Variants in C2CD5 observed in about 807,000 individuals in gnomAD.
C2CD5 encodes the protein C2 calcium dependent domain containing 5.
Under a neutral mutation model 130.3 loss-of-function variants are expected in C2CD5, and 109 were observed. The ratio of observed to expected loss-of-function variants is 0.84; its 90% CI spans 0.72 to 0.98. The LOEUF is 0.98. Ranked by LOEUF, C2CD5 falls within the 50% of genes least tolerant of loss-of-function variation. The pLI, the probability that C2CD5 is intolerant of heterozygous loss-of-function variation, is 0.00. For synonymous variants in C2CD5, 454 were observed against 429.2 expected, an observed-to-expected ratio of 1.06 and a Z score of -0.71; for missense variants, 996 against 1,261.8, an observed-to-expected ratio of 0.79 and a Z score of 3.19.
chr12:22,489,549 A>G (rs954029793), intron 12 of C2CD5, among the ~76,000 whole-genome samples: 3 of 152,134 alleles, frequency 2.0e-5, no homozygotes, highest in Non-Finnish European at 4.4e-5. Flanking sequence ...TATTTAAAGT[A>G]TAGGGGAGAA....
chr12:22,535,599 A>C (rs1037572064), intron 2 of C2CD5, among the ~76,000 whole-genome samples: 1 of 152,200 alleles, frequency 6.6e-6, no homozygotes, highest in Non-Finnish European at 1.5e-5. Flanking sequence ...CTCCGTTTCT[A>C]AAGAGCATAT....
At chr12:22,541,890 G>T (rs377731520) in intron 2 of C2CD5, among the ~76,000 whole-genome samples, 12 of 152,266 alleles carry the variant, frequency 7.9e-5, no homozygotes, top group African/African-American at 2.9e-4. Context: ...TATTCACCAT[G>T]TATATACATC....
intron 13 of C2CD5, among the ~76,000 whole-genome samples, chr12:22,483,610 G>T (rs1331516557): frequency 6.6e-6 from 1 of 151,960 alleles, no homozygotes; most frequent in African/African-American, 2.4e-5. Context: ...ATACTAAAGC[G>T]TACATTTAAG....
chr12:22,509,191 A>G (rs1179055579), intron 9 of C2CD5, among the ~76,000 whole-genome samples: 1 of 152,256 alleles, frequency 6.6e-6, no homozygotes, highest in Non-Finnish European at 1.5e-5. Flanking sequence ...AATCTTTTAA[A>G]TATCTAGACA....
rs1279299987 is a variant in C2CD5 at position 22,449,363 on chromosome 12, T to G, written c.*397A>C. 6.4e-6 allele frequency: 1 copy of G among 155,950 alleles called. No individual in the cohort carries two copies. Among genetic ancestry groups the G allele is most frequent in the Non-Finnish European group, 1.4e-5 (1 of 70,408 alleles). 9.7% of individuals were successfully genotyped at this position (155,950 alleles called of 1,614,324 possible). On this transcript the variant is annotated 3_prime_UTR_variant, in exon 27 of 27. Coordinates refer to ENST00000446597, the MANE Select transcript of C2CD5 (RefSeq NM_001286176.2). Reference sequence around the variant, plus strand: ...CCACACATTTCTCAAATCAGAGTGCTTACTCACTAGCAACTGGAGAATCTC... The same window carrying G: ...CCACACATTTCTCAAATCAGAGTGCGTACTCACTAGCAACTGGAGAATCTC...
Position 22,470,804 on chromosome 12 carries a change from C to T in C2CD5, c.2446+20G>A, listed in dbSNP as rs757178682. 4 of 1,464,272 alleles carry T rather than the reference C, an allele frequency of 2.7e-6. No individual in the cohort carries two copies. Among genetic ancestry groups the T allele is most frequent in the Non-Finnish European group, 2.9e-6 (3 of 1,045,550 alleles). 90.7% of individuals were successfully genotyped at this position (1,464,272 alleles called of 1,614,324 possible). A position where few individuals can be genotyped will look rare whatever the true frequency, so the allele number is the denominator to read the frequency against. ...ACACAGACAAACACAAACTGAACTT[C>T]CTATTCAGTAAAGATTTACCTCTTT... On this transcript the variant is annotated intron_variant, in intron 21 of 26. Coordinates refer to ENST00000446597, the MANE Select transcript of C2CD5 (RefSeq NM_001286176.2).
intron 10 of C2CD5, among the ~76,000 whole-genome samples, chr12:22,499,925 C>T (rs983120921): frequency 3.3e-5 from 5 of 152,204 alleles, no homozygotes; most frequent in African/African-American, 7.2e-5. Context: ...CAGTGGCTCA[C>T]GCCCGTAATC....
intron 9 of C2CD5, among the ~76,000 whole-genome samples, chr12:22,508,372 C>T (rs996291390): frequency 5.3e-5 from 8 of 152,088 alleles, no homozygotes; most frequent in East Asian, 1.9e-4. Flanking sequence ...AAGGAGAGTA[C>T]GTCACTTATA....
chr12:22,450,167 C>T (rs745893440), intron 26 of C2CD5, among the ~76,000 whole-genome samples: 1 of 151,708 alleles, frequency 6.6e-6, no homozygotes, highest in Non-Finnish European at 1.5e-5. Flanking sequence ...TATATACTGG[C>T]AAAAAAATGT....
chr12:22,467,057 C>CAA (rs920190549), intron 22 of C2CD5, among the ~76,000 whole-genome samples: 1 of 152,248 alleles, frequency 6.6e-6, no homozygotes, highest in Non-Finnish European at 1.5e-5. Flanking sequence ...TGCTCCCTTT[C>CAA]ACTTTGCCTC....
intron 12 of C2CD5, among the ~76,000 whole-genome samples, chr12:22,487,051 A>G (rs1945635300): frequency 6.6e-6 from 1 of 152,198 alleles, no homozygotes; most frequent in Non-Finnish European, 1.5e-5. Flanking sequence ...TACAAAAATT[A>G]ATTTAAGATG....
chr12:22,515,088 AACCACAAGAGAG>A, intron 8 of C2CD5: 1 of 985,190 alleles, frequency 1.0e-6, no homozygotes, highest in Non-Finnish European at 1.2e-6. Flanking sequence ...AGATGAAGGG[AACCACAAGAGAG>A]AGAGGGGGAG....
chr12:22,497,420 T>C (rs897074953), intron 10 of C2CD5, among the ~76,000 whole-genome samples: 2 of 152,126 alleles, frequency 1.3e-5, no homozygotes, highest in Non-Finnish European at 2.9e-5. Flanking sequence ...CAAACAAATA[T>C]TGTTTAAAAA....
intron 12 of C2CD5, among the ~76,000 whole-genome samples, chr12:22,487,766 G>C (rs1047198499): frequency 1.3e-5 from 2 of 151,838 alleles, no homozygotes; most frequent in African/African-American, 4.8e-5. Flanking sequence ...TGTTTATTGC[G>C]GCACTATTCA....
intron 2 of C2CD5, among the ~76,000 whole-genome samples, chr12:22,536,658 G>A (rs781149229): frequency 6.6e-6 from 1 of 152,166 alleles, no homozygotes; most frequent in South Asian, 2.1e-4. Flanking sequence ...AGATATACAA[G>A]TATTTGTTAA....
chr12:22,487,402 G>C (rs1006606232), intron 12 of C2CD5, among the ~76,000 whole-genome samples: 5 of 152,198 alleles, frequency 3.3e-5, no homozygotes, highest in African/African-American at 1.2e-4. Context: ...GATATGAACA[G>C]ACATTTCTCA....
At position 22,534,686 on chromosome 12, in the gene C2CD5, A is replaced by G. The variant is rs566508954; in HGVS notation, c.177+572T>C. On this transcript the variant is annotated intron_variant, in intron 3 of 26. Coordinates refer to ENST00000446597, the MANE Select transcript of C2CD5 (RefSeq NM_001286176.2). ...AAGCAGATACAACAGGACAAGTATTATATGACTCCATTTATATGAAATATC... is the reference window on the plus strand; with the variant it reads ...AAGCAGATACAACAGGACAAGTATTGTATGACTCCATTTATATGAAATATC... The G allele has an allele frequency of 2.0e-5, 3 of 152,648 alleles. 1 individual carries two copies. The highest frequency in any genetic ancestry group is 7.2e-5 in the African/African-American group (3 of 41,578). 9.5% of individuals were successfully genotyped at this position (152,648 alleles called of 1,614,324 possible).
At chr12:22,455,226 T>C (rs1055847616) in intron 25 of C2CD5, among the ~76,000 whole-genome samples, 1 of 152,238 alleles carries the variant, frequency 6.6e-6, no homozygotes, top group Non-Finnish European at 1.5e-5. Flanking sequence ...TAGTTCAGTA[T>C]ATTTTTTGAG....
At chr12:22,540,703 A>G (rs184223085) in intron 2 of C2CD5, among the ~76,000 whole-genome samples, 273 of 152,264 alleles carry the variant, frequency 1.8e-3, no homozygotes, top group Non-Finnish European at 3.0e-3. Flanking sequence ...TACTAAAAAT[A>G]CAAAAATTAG....
Sources: gnomAD v4.1 joint callset for allele counts (sites outside exome capture counted in the v4.1 genomes callset) on GRCh38, gnomAD v4.1.1 for gene constraint, MANE v1.5 for transcripts, NCBI Gene and HGNC (gene_info 2026-07-23, HGNC 2026-07-21) for gene names.